SRR: variants seen among roughly 807,000 people sequenced by gnomAD.
The protein encoded by SRR is serine racemase.
SRR carries 19 observed loss-of-function variants against 32.7 expected under a neutral mutation model. The ratio of observed to expected loss-of-function variants is 0.58; its 90% CI spans 0.40 to 0.85. The LOEUF (loss-of-function observed/expected upper bound fraction) is 0.85. SRR is among the 40% of genes least tolerant of loss of function. The pLI is 0.00. For synonymous variants in SRR, 142 were observed against 140.9 expected (o/e 1.01, Z -0.06); for missense variants, 373 against 404.7 (o/e 0.92, Z 0.67).
At chr17:2,322,990 C>T (rs1299118243) in intron 6 of SRR, 146 bp from the exon 7 acceptor site, 1 of 744,330 alleles carries the variant, frequency 1.3e-6, no homozygotes, top group African/African-American at 1.8e-5. Flanking sequence ...GTCTTGAACT[C>T]CTGACCTCAG....
chr17:2,303,879 A>G (rs941321258), upstream of SRR: 48 of 551,822 alleles, frequency 8.7e-5, no homozygotes, highest in African/African-American at 8.3e-4. Context: ...CTGGGAGGAA[A>G]AGCGCCCGCC....
At chr17:2,305,120 A>G (rs970361925) in intron 1 of SRR, among the ~76,000 whole-genome samples, 5 of 152,244 alleles carry the variant, frequency 3.3e-5, no homozygotes, top group African/African-American at 7.2e-5. Context: ...GCATAAGAAG[A>G]AAGTCAGTAG....
chr17:2,314,793 A>C (rs2075458917), intron 1 of SRR, among the ~76,000 whole-genome samples: 1 of 151,734 alleles, frequency 6.6e-6, no homozygotes, highest in African/African-American at 2.4e-5. Context: ...GAAATAAAGA[A>C]AATGAACATA....
intron 4 of SRR, among the ~76,000 whole-genome samples, chr17:2,319,443 C>T (rs566475904): frequency 6.6e-6 from 1 of 152,164 alleles, no homozygotes; most frequent in South Asian, 2.1e-4. Context: ...TGCATGCCAC[C>T]ACACCTAATT....
intron 1 of SRR, chr17:2,309,650 AATATGTAATGTTTTATGTATGTAT>A (rs2075419700): frequency 1.3e-5 from 2 of 152,772 alleles, no homozygotes; most frequent in Admixed American, 1.3e-4. Flanking sequence ...ATCTTTGAAT[AATATGTAATGTTTTATGTATGTAT>A]GTGTTTTAAA....
Position 2,312,632 on chromosome 17 carries a change from T to G in SRR, c.-4-2925T>G, listed in dbSNP as rs529229902. 2.6e-5 allele frequency among the ~76,000 whole-genome samples: 4 copies of G among 152,136 alleles called. No individual in the cohort carries two copies. In the East Asian group the frequency reaches 7.7e-4, roughly 29 times the overall value. Reference sequence around the variant, plus strand: ...ACTACTAGACATAACTAAATTGACATAAAAATGATATAGGACGGATGAAGG... The same window carrying G: ...ACTACTAGACATAACTAAATTGACAGAAAAATGATATAGGACGGATGAAGG... On this transcript the variant is annotated intron_variant, in intron 1 of 7. Transcript: ENST00000344595.
chr17:2,324,387 C>T lies in SRR; in HGVS notation c.*514C>T. On this transcript the variant is annotated 3_prime_UTR_variant, in exon 8 of 8. Transcript: ENST00000344595. ...TGGCCATGGGTACCTAGAAAGACAT[C>T]AGAACAAGTCGGTCAAATTAAAAGT... is the stretch of plus-strand genomic sequence containing the variant. 1 of 1,583,106 alleles carries T rather than the reference C, an allele frequency of 6.3e-7. No homozygotes were observed. Among genetic ancestry groups the T allele is most frequent in the Non-Finnish European group, 8.6e-7 (1 of 1,166,588 alleles).
At chr17:2,305,889 G>C (rs997664614) in intron 1 of SRR, among the ~76,000 whole-genome samples, 4 of 151,738 alleles carry the variant, frequency 2.6e-5, no homozygotes, top group African/African-American at 9.7e-5. Flanking sequence ...AGTAGAGATG[G>C]GGTTTCACCA....
rs975651019 is a variant in SRR at position 2,307,786 on chromosome 17, AT to A, written c.-5+3772del. On this transcript the variant is annotated intron_variant, in intron 1 of 7. Transcript: ENST00000344595. ...ACAGGGAAGCTACAGGTTACAACAG[AT>A]TTGTGAACTAAGCCAAGCACAGTGG... 3.5e-5 allele frequency: 27 copies of A among 768,182 alleles called. No homozygotes were observed. In the African/African-American group the frequency reaches 4.1e-4, roughly 12 times the overall value. 47.6% of individuals were successfully genotyped at this position (768,182 alleles called of 1,614,324 possible).
At chr17:2,303,405 G>A (rs2075331968), upstream of SRR, 8 of 1,249,524 alleles carry the variant, frequency 6.4e-6, no homozygotes, top group Middle Eastern at 9.2e-4. Flanking sequence ...GGTGGAGGCA[G>A]GAATTCGGGC....
At chr17:2,307,878 A>T (rs2075403826) in intron 1 of SRR, among the ~76,000 whole-genome samples, 1 of 152,048 alleles carries the variant, frequency 6.6e-6, no homozygotes, top group Admixed American at 6.6e-5. Context: ...TGGGCAAAAA[A>T]CTCGAAGACT....
At chr17:2,323,493 C>T in intron 7 of SRR, 148 bp downstream of exon 7, 1 of 1,146,546 alleles carries the variant, frequency 8.7e-7, no homozygotes, top group Non-Finnish European at 1.2e-6. Context: ...TTAATGACAA[C>T]CCTCTTGACA....
chr17:2,323,454 T>G lies in SRR; in HGVS notation c.804+109T>G. 3.8e-6 allele frequency: 5 copies of G among 1,317,358 alleles called. No homozygotes were observed. The South Asian group carries it at 6.4e-5, about 17-fold the overall frequency. 81.6% of individuals were successfully genotyped at this position (1,317,358 alleles called of 1,614,324 possible). ...CCCACGGGAACCTGACTAGGTAACT[T>G]CATGACATGGGAGGGTACCCTAGAT... On this transcript the variant is annotated intron_variant, in intron 7 of 7. Coordinates refer to ENST00000344595, the MANE Select transcript of SRR (RefSeq NM_021947.3).
upstream of SRR, chr17:2,303,775 G>C: frequency 2.1e-6 from 3 of 1,430,962 alleles, 1 homozygote; most frequent in South Asian, 3.9e-5. Flanking sequence ...GCGCAGCCAG[G>C]AAACCACCAC....
At chr17:2,307,490 T>G in intron 1 of SRR, 1 of 1,437,380 alleles carries the variant, frequency 7.0e-7, no homozygotes, top group East Asian at 2.3e-5. Context: ...GGGATGGCTA[T>G]AATGGATTTG....
chr17:2,308,079 T>A (rs2075406299), intron 1 of SRR, among the ~76,000 whole-genome samples: 1 of 149,882 alleles, frequency 6.7e-6, no homozygotes, highest in Non-Finnish European at 1.5e-5. Context: ...AAACCACCAA[T>A]TTTAAATAAT....
At chr17:2,315,779 A>C in intron 2 of SRR, 51 bp downstream of exon 2, 1 of 1,549,722 alleles carries the variant, frequency 6.5e-7, no homozygotes. Flanking sequence ...ACCCTTTCAC[A>C]TATCAGTTTG....
intron 6 of SRR, chr17:2,322,423 A>C: frequency 6.6e-6 from 1 of 152,290 alleles, no homozygotes; most frequent in Non-Finnish European, 1.5e-5. Flanking sequence ...TTTATTTATA[A>C]AGTGCTTGAA....
chr17:2,316,335 A>G (rs148192912), intron 2 of SRR, among the ~76,000 whole-genome samples: 20 of 152,322 alleles, frequency 1.3e-4, no homozygotes, highest in Non-Finnish European at 2.5e-4. Flanking sequence ...ACTTTATTAT[A>G]TATACCATCA....
Sources: allele counts gnomAD v4.1 joint callset (sites outside exome capture counted in the v4.1 genomes callset), GRCh38; gene constraint gnomAD v4.1.1; transcripts MANE v1.5; gene names NCBI Gene and HGNC (gene_info 2026-07-23, HGNC 2026-07-21).